Variants in ZNF619 observed in about 807,000 individuals in gnomAD.
ZNF619 encodes the protein zinc finger protein 619.
A neutral mutation model predicts 14.2 loss-of-function variants in ZNF619; 9 were observed. The observed-to-expected ratio is 0.64, with a 90% CI of 0.38 to 1.11. The LOEUF (loss-of-function observed/expected upper bound fraction) is 1.11. ZNF619 is among the 50% of genes least tolerant of loss of function. The pLI is 0.01. For synonymous variants in ZNF619, 246 were observed against 252.8 expected, an observed-to-expected ratio of 0.97 and a Z score of 0.26; for missense variants, 659 against 680.1, an observed-to-expected ratio of 0.97 and a Z score of 0.34.
intron 4 of ZNF619, among the ~76,000 whole-genome samples, chr3:40,483,452 G>A (rs892046806): frequency 6.6e-6 from 1 of 151,828 alleles, no homozygotes; most frequent in Admixed American, 6.6e-5. Flanking sequence ...CACCATGACT[G>A]GCTAATTTTT....
intron 4 of ZNF619, among the ~76,000 whole-genome samples, chr3:40,486,497 C>T (rs1346497541): frequency 3.9e-5 from 6 of 152,114 alleles, no homozygotes; most frequent in South Asian, 2.1e-4. Context: ...GTCAGGAGTT[C>T]GTGACCAGTC....
rs1559536818 is a variant in ZNF619, at chr3:40,482,574, TC to T, written c.179-13del. On this transcript the variant is annotated splice_polypyrimidine_tract_variant and intron_variant, in intron 3 of 4. Transcript: ENST00000432264. ...ATTCTCCTCAGCTTCATGTTCCTTT[TC>T]TTTCTCCTGTAGCAGCATTTCCATT... 2 of 1,613,192 alleles carry T rather than the reference TC, an allele frequency of 1.2e-6. No individual in the cohort carries two copies. Among genetic ancestry groups the T allele is most frequent in the Non-Finnish European group, 1.7e-6 (2 of 1,179,192 alleles).
At position 40,489,054 on chromosome 3, in the gene ZNF619, A is replaced by G. The variant is rs1553653866; in HGVS notation, c.*813A>G. ...GAATTTTTTATTACCTTGATAGTAT[A>G]AAAAATTATGAGGGTCCTTTTATGC... is the stretch of plus-strand genomic sequence containing the variant. On this transcript the variant is annotated 3_prime_UTR_variant, in exon 5 of 5. Coordinates refer to ENST00000432264, the MANE Select transcript of ZNF619 (RefSeq NM_001145093.4). The G allele has an allele frequency of 6.6e-6, 1 of 152,140 alleles. No individual in the cohort carries two copies. The highest frequency in any genetic ancestry group is 1.5e-5 in the Non-Finnish European group (1 of 68,028). 9.4% of individuals were successfully genotyped at this position (152,140 alleles called of 1,614,324 possible).
chr3:40,480,593 G>A (rs1697354468), intron 2 of ZNF619, among the ~76,000 whole-genome samples: 1 of 151,350 alleles, frequency 6.6e-6, no homozygotes, highest in Admixed American at 6.6e-5. Flanking sequence ...CTGCCTCCGG[G>A]GTTCACGCCA....
At chr3:40,483,627 A>G (rs909234598) in intron 4 of ZNF619, 9 of 445,900 alleles carry the variant, frequency 2.0e-5, no homozygotes, top group African/African-American at 1.9e-4. Context: ...TTATTTATTT[A>G]TTTGTTTGTT....
At chr3:40,485,817 G>A (rs925139013) in intron 4 of ZNF619, among the ~76,000 whole-genome samples, 9 of 152,164 alleles carry the variant, frequency 5.9e-5, no homozygotes, top group Admixed American at 5.9e-4. Flanking sequence ...ACCAGTGAAA[G>A]CATGATCCCC....
At chr3:40,481,634 G>T (rs572551022) in intron 2 of ZNF619, among the ~76,000 whole-genome samples, 28 of 152,294 alleles carry the variant, frequency 1.8e-4, no homozygotes, top group South Asian at 1.0e-3. Context: ...GGGTTGACAT[G>T]ATCACCAGGC....
At chr3:40,482,387 T>G (rs758117697) in intron 3 of ZNF619, 5 of 1,555,000 alleles carry the variant, frequency 3.2e-6, no homozygotes, top group Non-Finnish European at 4.3e-6. Flanking sequence ...CACCCCCCAG[T>G]GACTCTGGGA....
Position 40,481,968 on chromosome 3 carries a change from C to G in ZNF619, c.130C>G (p.Leu44Val). 6.2e-7 allele frequency: 1 copy of G among 1,611,998 alleles called. No individual in the cohort carries two copies. Among genetic ancestry groups the G allele is most frequent in the Non-Finnish European group, 8.5e-7 (1 of 1,179,368 alleles). ...WASLHPTQRA[L>V]YREVMLENYA... ...CAGCCTGCACCCTACGCAGAGGGCC[C>G]TATACAGGGAGGTGATGCTGGAGAA... is the stretch of plus-strand genomic sequence containing the variant. Residue 44 changes from leucine (L) to valine (V), a missense_variant, in exon 3 of 5, where the codon CTA (leucine) becomes GTA (valine). Coordinates refer to ENST00000432264, the MANE Select transcript of ZNF619 (RefSeq NM_001145093.4).
intron 4 of ZNF619, among the ~76,000 whole-genome samples, chr3:40,483,486 T>G (rs1697475372): frequency 6.6e-6 from 1 of 152,124 alleles, no homozygotes; most frequent in Non-Finnish European, 1.5e-5. Context: ...AGATGGGGTT[T>G]CACTGTGCTG....
chr3:40,483,292 G>GTTTTTT (rs777485499), intron 4 of ZNF619, among the ~76,000 whole-genome samples: 1 of 140,042 alleles, frequency 7.1e-6, no homozygotes, highest in Non-Finnish European at 1.6e-5. Flanking sequence ...CTTGGTTTTG[G>GTTTTTT]TTTTTTTTTT....
At chr3:40,481,088 T>C (rs533358517) in intron 2 of ZNF619, among the ~76,000 whole-genome samples, 4 of 152,348 alleles carry the variant, frequency 2.6e-5, no homozygotes, top group African/African-American at 9.6e-5. Context: ...ATTTCACAGA[T>C]GTGCTATAAT....
chr3:40,488,454 C>A lies in ZNF619; in HGVS notation c.*213C>A. On this transcript the variant is annotated 3_prime_UTR_variant, in exon 5 of 5. Coordinates refer to ENST00000432264, the MANE Select transcript of ZNF619 (RefSeq NM_001145093.4). ...CAGTACTTATTCTTTATCGTGTCCA[C>A]ATTTGGGCTGTATTATCAGTCTGCA... is the stretch of plus-strand genomic sequence containing the variant. 1.9e-6 allele frequency: 1 copy of A among 540,118 alleles called. No homozygotes were observed. The highest frequency in any genetic ancestry group is 3.2e-6 in the Non-Finnish European group (1 of 308,800). 33.5% of individuals were successfully genotyped at this position (540,118 alleles called of 1,614,324 possible). A position where few individuals can be genotyped will look rare whatever the true frequency, so the allele number is the denominator to read the frequency against.
Position 40,481,925 on chromosome 3 carries a change from C to T in ZNF619, c.87C>T (p.Phe29=), listed in dbSNP as rs755619343. 1.9e-5 allele frequency: 30 copies of T among 1,613,928 alleles called. No individual in the cohort carries two copies. Among genetic ancestry groups the T allele is most frequent in the Non-Finnish European group, 2.5e-5 (29 of 1,179,902 alleles). The change falls in exon 3 of 5, where the codon TTC becomes TTT. Residue 29 remains phenylalanine, a synonymous_variant. Coordinates refer to ENST00000432264, the MANE Select transcript of ZNF619 (RefSeq NM_001145093.4). The part of the protein sequence containing the change: ...PVTFEDVAVY[F]TQNEWASLHP... ...CCTTTGAGGATGTGGCTGTGTACTT[C>T]ACCCAGAATGAATGGGCCAGCCTGC...
rs934461485 is a variant in ZNF619, at chr3:40,482,103, C to T, written c.178+87C>T. 2.1e-5 allele frequency: 33 copies of T among 1,550,176 alleles called. No homozygotes were observed. In the Middle Eastern group the frequency reaches 8.9e-4, roughly 42 times the overall value. On this transcript the variant is annotated intron_variant, in intron 3 of 4. Coordinates refer to ENST00000432264, the MANE Select transcript of ZNF619 (RefSeq NM_001145093.4). Reference sequence around the variant, plus strand: ...TAGCAGAACTAGGATCTCTTTAATACCATCAGAATTGATGCCCTATGGGCT... The same window carrying T: ...TAGCAGAACTAGGATCTCTTTAATATCATCAGAATTGATGCCCTATGGGCT...
chr3:40,478,143 GT>G (rs1037958677), intron 2 of ZNF619, 140 bp downstream of exon 2: 1 of 754,704 alleles, frequency 1.3e-6, no homozygotes, highest in African/African-American at 1.8e-5. Flanking sequence ...TGCGAGGGGA[GT>G]TGACGAACGA....
chr3:40,485,835 C>T (rs917298975), intron 4 of ZNF619, among the ~76,000 whole-genome samples: 4 of 152,248 alleles, frequency 2.6e-5, no homozygotes, highest in Admixed American at 6.5e-5. Flanking sequence ...CCCATACCCC[C>T]GCTCCAATTG....
Position 40,488,329 on chromosome 3 carries a change from T to G in ZNF619, c.*88T>G, listed in dbSNP as rs1697709373. On this transcript the variant is annotated 3_prime_UTR_variant, in exon 5 of 5. Coordinates refer to ENST00000432264, the MANE Select transcript of ZNF619 (RefSeq NM_001145093.4). The stretch of plus-strand genomic sequence containing the variant: ...GTGTCTATTGATATTCCTCTGGTCT[T>G]GTCTTGTATAAGTTGTTACTGTTTT... The G allele has an allele frequency of 9.7e-6, 7 of 719,528 alleles. No homozygotes were observed. The South Asian group carries it at 1.1e-4, about 11-fold the overall frequency. 44.6% of individuals were successfully genotyped at this position (719,528 alleles called of 1,614,324 possible). A position where few individuals can be genotyped will look rare whatever the true frequency, so the allele number is the denominator to read the frequency against.
Position 40,490,540 on chromosome 3 carries a change from T to C in ZNF619, c.*2299T>C, listed in dbSNP as rs536259757. Among the ~76,000 whole-genome samples, 6 of 152,314 alleles carry C rather than the reference T, an allele frequency of 3.9e-5. 1 individual carries two copies. The highest frequency in any genetic ancestry group is 2.6e-4 in the Admixed American group (4 of 15,290). ...GGTTTCAACTGTGTGGGTCCACTTA[T>C]GGACTTTCTTCTGCCTCTGTCACCC... On this transcript the variant is annotated 3_prime_UTR_variant, in exon 5 of 5. Transcript: ENST00000432264.
Sources: allele counts gnomAD v4.1 joint callset (sites outside exome capture counted in the v4.1 genomes callset), GRCh38; gene constraint gnomAD v4.1.1; transcripts MANE v1.5; gene names NCBI Gene and HGNC (gene_info 2026-07-23, HGNC 2026-07-21).